MOV10L1: variants seen among roughly 807,000 people sequenced by gnomAD.
MOV10L1 encodes RNA helicase Mov10l1.
Under a neutral mutation model 143.8 loss-of-function variants are expected in MOV10L1, and 110 were observed. That is an observed-to-expected ratio of 0.76 (90% CI 0.66 to 0.90). The LOEUF (loss-of-function observed/expected upper bound fraction) is 0.90, where lower values mean the gene tolerates loss of function less well. Ranked by LOEUF, MOV10L1 falls within the 40% of genes least tolerant of loss-of-function variation. MOV10L1 has a pLI of 0.00. For synonymous variants in MOV10L1, 593 were observed against 581.1 expected, an observed-to-expected ratio of 1.02 and a Z score of -0.29; for missense variants, 1,406 against 1,526.8, an observed-to-expected ratio of 0.92 and a Z score of 1.32.
At chr22:50,113,974 A>G (rs1414645349) in intron 6 of MOV10L1, among the ~76,000 whole-genome samples, 186 bp downstream of exon 6, 1 of 131,812 alleles carries the variant, frequency 7.6e-6, no homozygotes, top group East Asian at 2.2e-4. Context: ...GCTGGAGTGC[A>G]GTGGCGCGAT....
At position 50,117,554 on chromosome 22, in the gene MOV10L1, G is replaced by A. The variant is rs3810976; in HGVS notation, c.1454+203G>A. Reference sequence around the variant, plus strand: ...GCTCTGAAGGTCAAGTTCTGTCTCTGCAGCTGCCCAGCAGCAGCGTGAAGC... The same window carrying A: ...GCTCTGAAGGTCAAGTTCTGTCTCTACAGCTGCCCAGCAGCAGCGTGAAGC... On this transcript the variant is annotated intron_variant, in intron 9 of 26. Coordinates refer to ENST00000262794, the MANE Select transcript of MOV10L1 (RefSeq NM_018995.3). Among the ~76,000 whole-genome samples, 44 of 152,264 alleles carry A rather than the reference G, an allele frequency of 2.9e-4. No individual in the cohort carries two copies. The East Asian group carries it at 7.9e-3, about 27-fold the overall frequency.
chr22:50,131,709 A>G (rs4838845), intron 13 of MOV10L1, among the ~76,000 whole-genome samples: 33,853 of 150,092 alleles, frequency 0.23, 4,142 homozygotes, highest in Admixed American at 0.35. Flanking sequence ...ATGAATTACT[A>G]TTGTACCTTT....
At position 50,161,061 on chromosome 22, in the gene MOV10L1, C is replaced by T. The variant is rs779836443; in HGVS notation, c.3554+6C>T. 5.0e-5 allele frequency: 81 copies of T among 1,613,048 alleles called. No individual in the cohort carries two copies. The highest frequency in any genetic ancestry group is 6.9e-5 in the Non-Finnish European group (81 of 1,179,376). Reference sequence around the variant, plus strand: ...GCACTGCAGTCTCTGCAAAAGTGAGCGCTTCTGCTGTCTTCCTCAAAGACA... The same window carrying T: ...GCACTGCAGTCTCTGCAAAAGTGAGTGCTTCTGCTGTCTTCCTCAAAGACA... On this transcript the variant is annotated splice_donor_region_variant and intron_variant, in intron 26 of 26. Coordinates refer to ENST00000262794, the MANE Select transcript of MOV10L1 (RefSeq NM_018995.3).
Position 50,108,136 on chromosome 22 carries a change from G to C in MOV10L1, c.443G>C (p.Gly148Ala), listed in dbSNP as rs915047666. ...ATGGCTTTTTTCCTGGCGGTTTTAG[G>C]CTTCGAGCCCTGCAAGGGAGACTGG... ...TYFSLESVCEGFEPCKGDWVE... is the reference protein window; with the variant it reads ...TYFSLESVCEAFEPCKGDWVE... The change falls in exon 4 of 27, where the codon GGC becomes GCC. Residue 148 changes from glycine to alanine, a missense_variant and splice_region_variant. This residue lies in a region of MOV10L1 where 1,233 missense variants were observed against 1,351.4 expected (regional missense o/e 0.91). Transcript: ENST00000262794. 11 of 1,613,278 alleles carry C rather than the reference G, an allele frequency of 6.8e-6. No homozygotes were observed. The highest frequency in any genetic ancestry group is 1.3e-5 in the African/African-American group (1 of 74,886).
At chr22:50,109,340 C>T (rs1374534170) in intron 5 of MOV10L1, among the ~76,000 whole-genome samples, 2 of 151,866 alleles carry the variant, frequency 1.3e-5, no homozygotes, top group Admixed American at 1.3e-4. Context: ...GCCTGGGCAA[C>T]ATAGTGAGAC....
rs769561165 is a variant in MOV10L1, at chr22:50,125,436, G to A, written c.1614G>A (p.Leu538=). ...ACAAGGAGAAGTTTTCGACTTTGCT[G>A]TGGCTTGAGGAGATTTATGCAGAAA... ...SNYKEKFSTL[L]WLEEIYAEME... is the part of the protein sequence containing the mutation. The change falls in exon 11 of 27, where the codon CTG becomes CTA. Residue 538 remains leucine, a synonymous_variant. Coordinates refer to ENST00000262794, the MANE Select transcript of MOV10L1 (RefSeq NM_018995.3). The A allele has an allele frequency of 5.6e-6, 9 of 1,614,208 alleles. No individual in the cohort carries two copies. In the Admixed American group the frequency reaches 1.2e-4, roughly 21 times the overall value.
intron 3 of MOV10L1, among the ~76,000 whole-genome samples, chr22:50,107,295 C>T (rs1335271228): frequency 6.6e-6 from 1 of 151,814 alleles, no homozygotes; most frequent in African/African-American, 2.4e-5. Flanking sequence ...ATCTCCTGAC[C>T]TCGTGATCCA....
In MOV10L1 at chr22:50,120,094, G is replaced by A. The variant is rs148163493; in HGVS notation, c.1455-408G>A. Among the ~76,000 whole-genome samples the A allele has an allele frequency of 3.1e-4, 47 of 152,324 alleles. 1 individual carries two copies. In the East Asian group the frequency reaches 6.7e-3, roughly 22 times the overall value. ...ACAAATCGAAGGCAGGACCCAGACA[G>A]AGCAGCCTTTTCCTAATGTGTGCTT... On this transcript the variant is annotated intron_variant, in intron 9 of 26. Transcript: ENST00000262794.
intron 2 of MOV10L1, among the ~76,000 whole-genome samples, chr22:50,097,479 A>G (rs894232328): frequency 1.3e-5 from 2 of 152,100 alleles, no homozygotes; most frequent in African/African-American, 4.8e-5. Flanking sequence ...TATTTTGCCC[A>G]TGGTTATTTT....
intron 3 of MOV10L1, among the ~76,000 whole-genome samples, chr22:50,106,895 G>A (rs913596978): frequency 2.0e-5 from 3 of 151,494 alleles, no homozygotes; most frequent in Admixed American, 1.3e-4. Flanking sequence ...TAGAGACGGG[G>A]TTTCACTGTG....
intron 15 of MOV10L1, among the ~76,000 whole-genome samples, chr22:50,137,748 T>TAC (rs965722602): frequency 2.4e-5 from 3 of 123,434 alleles, no homozygotes; most frequent in African/African-American, 7.9e-5. Flanking sequence ...TTTATATATA[T>TAC]ACATATATAA....
At chr22:50,121,806 T>C (rs958732645) in intron 10 of MOV10L1, among the ~76,000 whole-genome samples, 3 of 152,206 alleles carry the variant, frequency 2.0e-5, no homozygotes, top group Admixed American at 6.5e-5. Flanking sequence ...ACCGACTTGA[T>C]GTTTTGATGC....
chr22:50,153,527 G>A (rs1240126800), intron 22 of MOV10L1, among the ~76,000 whole-genome samples: 1 of 152,212 alleles, frequency 6.6e-6, no homozygotes, highest in Admixed American at 6.5e-5. Context: ...GGGGAAGCTC[G>A]CAGGGCCATG....
chr22:50,117,456 A>G, intron 9 of MOV10L1, 105 bp downstream of exon 9: 2 of 1,189,032 alleles, frequency 1.7e-6, no homozygotes, highest in Non-Finnish European at 2.3e-6. Context: ...CTGGGGAGGT[A>G]TAAAGGGGAT....
At chr22:50,128,306 G>A in intron 12 of MOV10L1, 110 bp from the exon 13 acceptor site, 1 of 658,926 alleles carries the variant, frequency 1.5e-6, no homozygotes, top group Admixed American at 2.9e-5. Flanking sequence ...TAATTTTGCA[G>A]ATATCAAATT....
chr22:50,140,369 A>G (rs184420765), intron 15 of MOV10L1, among the ~76,000 whole-genome samples: 1 of 152,300 alleles, frequency 6.6e-6, no homozygotes, highest in African/African-American at 2.4e-5. Context: ...CAAGTCACAC[A>G]CTTTAAATAT....
At chr22:50,123,727 T>C (rs2147211018) in intron 10 of MOV10L1, among the ~76,000 whole-genome samples, 1 of 152,334 alleles carries the variant, frequency 6.6e-6, no homozygotes, top group East Asian at 1.9e-4. Flanking sequence ...TTGAGAAAGA[T>C]TGGTATTAGT....
intron 3 of MOV10L1, among the ~76,000 whole-genome samples, chr22:50,104,033 A>G (rs2061809482): frequency 6.6e-6 from 1 of 152,172 alleles, no homozygotes. Flanking sequence ...AGATGGTCCC[A>G]TCTGGGGGTG....
intron 3 of MOV10L1, among the ~76,000 whole-genome samples, chr22:50,101,864 A>G (rs775600193): frequency 6.6e-6 from 1 of 152,116 alleles, no homozygotes; most frequent in African/African-American, 2.4e-5. Flanking sequence ...ATAGGTGTCT[A>G]TTGGGATTTT....
Sources: gnomAD v4.1 joint callset for allele counts (sites outside exome capture counted in the v4.1 genomes callset) on GRCh38, gnomAD v4.1.1 for gene constraint, gnomAD v4.1.1 regional missense constraint, MANE v1.5 for transcripts, NCBI Gene and HGNC (gene_info 2026-07-23, HGNC 2026-07-21) for gene names.